Variants in GRIN2A observed in about 807,000 individuals in gnomAD.
GRIN2A encodes glutamate ionotropic receptor NMDA type subunit 2A.
In GRIN2A, 22 loss-of-function variants were observed where a neutral mutation model predicts 113.4. That is an observed-to-expected ratio of 0.19 (90% CI 0.14 to 0.28). The LOEUF is 0.28. Ranked by LOEUF, GRIN2A falls within the 10% of genes least tolerant of loss-of-function variation. GRIN2A has a pLI of 1.00. For missense variants in GRIN2A, 1,502 were observed against 1,887.0 expected (o/e 0.80, Z 3.78); for synonymous variants, 827 against 738.4 (o/e 1.12, Z -1.94).
chr16:10,032,891 T>C (rs964668156), intron 2 of GRIN2A, among the ~76,000 whole-genome samples: 7 of 152,192 alleles, frequency 4.6e-5, no homozygotes, highest in African/African-American at 1.7e-4. Context: ...AGTTTCCTTA[T>C]CATTGTCCTT....
chr16:9,865,656 G>T (rs558771857), intron 4 of GRIN2A, among the ~76,000 whole-genome samples: 2 of 152,212 alleles, frequency 1.3e-5, no homozygotes, highest in Admixed American at 6.5e-5. Flanking sequence ...GTTCCTTAGG[G>T]TTAGATCACA....
At chr16:10,067,573 G>A (rs185501979) in intron 2 of GRIN2A, among the ~76,000 whole-genome samples, 5 of 152,290 alleles carry the variant, frequency 3.3e-5, no homozygotes, top group South Asian at 2.1e-4. Context: ...TTGCATGCCC[G>A]GAGGGACACC....
At chr16:9,933,781 A>G (rs750544503) in intron 3 of GRIN2A, among the ~76,000 whole-genome samples, 10 of 152,262 alleles carry the variant, frequency 6.6e-5, no homozygotes, top group Non-Finnish European at 1.3e-4. Context: ...TGTAAGTGTA[A>G]AGATGGAACA....
At chr16:9,986,247 A>G (rs2045977317) in intron 2 of GRIN2A, among the ~76,000 whole-genome samples, 1 of 152,190 alleles carries the variant, frequency 6.6e-6, no homozygotes, top group African/African-American at 2.4e-5. Context: ...CTTATGGAGA[A>G]GTTGTCATAA....
At chr16:10,122,389 G>T (rs1465380906) in intron 2 of GRIN2A, among the ~76,000 whole-genome samples, 2 of 152,150 alleles carry the variant, frequency 1.3e-5, no homozygotes, top group Non-Finnish European at 2.9e-5. Flanking sequence ...ACAAAAGCGG[G>T]GAGGTAGGGG....
At chr16:10,137,045 A>T (rs1037501705) in intron 2 of GRIN2A, among the ~76,000 whole-genome samples, 2 of 152,204 alleles carry the variant, frequency 1.3e-5, no homozygotes, top group Admixed American at 1.3e-4. Context: ...CCTGCCTACA[A>T]GACAACGGAC....
chr16:10,133,980 G>A (rs964135256), intron 2 of GRIN2A, among the ~76,000 whole-genome samples: 6 of 151,888 alleles, frequency 4.0e-5, no homozygotes, highest in African/African-American at 1.2e-4. Context: ...CCCAGACATT[G>A]GAGACCAACC....
chr16:9,914,806 C>T (rs923357276), intron 3 of GRIN2A, among the ~76,000 whole-genome samples: 1 of 147,620 alleles, frequency 6.8e-6, no homozygotes, highest in African/African-American at 2.5e-5. Context: ...AAGCATTGTG[C>T]TACAAGACAG....
At chr16:9,918,403 C>T (rs1480870403) in intron 3 of GRIN2A, among the ~76,000 whole-genome samples, 2 of 152,112 alleles carry the variant, frequency 1.3e-5, no homozygotes, top group Middle Eastern at 3.2e-3. Flanking sequence ...AGGAGATTAA[C>T]AACAATTATT....
At chr16:9,888,163 A>G (rs2043622923) in intron 4 of GRIN2A, among the ~76,000 whole-genome samples, 2 of 152,054 alleles carry the variant, frequency 1.3e-5, no homozygotes, top group South Asian at 4.2e-4. Context: ...CTGGTCTCGA[A>G]CTCCTGACCT....
At chr16:9,840,885 C>CT (rs1271402171) in intron 6 of GRIN2A, 51 bp downstream of exon 6, 3 of 1,602,964 alleles carry the variant, frequency 1.9e-6, no homozygotes, top group Non-Finnish European at 2.6e-6. Context: ...TTCCTGAGGA[C>CT]TGCAGGCCCT....
chr16:10,133,901 G>C (rs896430442), intron 2 of GRIN2A, among the ~76,000 whole-genome samples: 2 of 152,152 alleles, frequency 1.3e-5, no homozygotes, highest in African/African-American at 4.8e-5. Context: ...CAGTTAGGCA[G>C]TCCGGATGCA....
intron 2 of GRIN2A, among the ~76,000 whole-genome samples, chr16:10,080,855 G>T (rs1035394698): frequency 3.3e-5 from 5 of 152,146 alleles, no homozygotes; most frequent in Non-Finnish European, 7.3e-5. Flanking sequence ...GGCTTTCAAA[G>T]TGTTTCCCAG....
rs1800246855 is a variant in GRIN2A, at chr16:9,763,222, G to T, written c.4322C>A (p.Thr1441Asn). ...YAANKNNMYS[T>N]PRVLNSCSNR... ...GCTGCAGGAATTTAAAACCCTGGGG[G>T]TAGAGTACATATTATTCTTATTTGC... The change falls in exon 13 of 13, where the codon ACC (threonine) becomes AAC (asparagine). Residue 1441 changes from threonine to asparagine, a missense_variant. Physicochemically the swap from Thr to Asn is moderately conservative, Grantham distance 65. Around this residue, in one of 7 missense-constraint regions of GRIN2A, gnomAD observed 832 missense variants for 789.7 expected, o/e 1.05. Transcript: ENST00000330684. 1 of 1,613,796 alleles carries T rather than the reference G, an allele frequency of 6.2e-7. No homozygotes were observed. Among genetic ancestry groups the T allele is most frequent in the Non-Finnish European group, 8.5e-7 (1 of 1,179,706 alleles).
intron 2 of GRIN2A, among the ~76,000 whole-genome samples, chr16:10,123,337 T>C (rs1420832875): frequency 1.3e-5 from 2 of 152,068 alleles, no homozygotes; most frequent in African/African-American, 2.4e-5. Context: ...AAGCAGCCTC[T>C]TTTTTTTAAA....
intron 11 of GRIN2A, among the ~76,000 whole-genome samples, chr16:9,780,796 G>T (rs1159669916): frequency 1.3e-5 from 2 of 152,170 alleles, no homozygotes; most frequent in Non-Finnish European, 1.5e-5. Context: ...TAATAATAAG[G>T]AAAGTTGAAG....
chr16:10,028,804 A>G (rs1239782891), intron 2 of GRIN2A, among the ~76,000 whole-genome samples: 2 of 152,186 alleles, frequency 1.3e-5, no homozygotes, highest in Non-Finnish European at 2.9e-5. Flanking sequence ...CATAGCATAA[A>G]AGCTTCCTTA....
At chr16:9,947,854 G>A (rs2045057580) in intron 2 of GRIN2A, among the ~76,000 whole-genome samples, 1 of 151,964 alleles carries the variant, frequency 6.6e-6, no homozygotes, top group Non-Finnish European at 1.5e-5. Flanking sequence ...GATAATGCAT[G>A]TATTACTCTG....
chr16:10,105,478 T>G (rs546361878), intron 2 of GRIN2A, among the ~76,000 whole-genome samples: 4 of 139,546 alleles, frequency 2.9e-5, no homozygotes, highest in African/African-American at 1.0e-4. Context: ...TTTTCAAACA[T>G]AAGAAAACCA....
Sources: allele counts gnomAD v4.1 joint callset (sites outside exome capture counted in the v4.1 genomes callset), GRCh38; gene constraint gnomAD v4.1.1; regional missense constraint gnomAD v4.1.1; transcripts MANE v1.5; gene names NCBI Gene and HGNC (gene_info 2026-07-23, HGNC 2026-07-21).